Variants in NHSL1 observed in about 807,000 individuals in gnomAD.
The protein encoded by NHSL1 is NHS like 1, also known as NHS-like protein 1.
NHSL1 carries 48 observed loss-of-function variants against 95.0 expected under a neutral mutation model. That is an observed-to-expected ratio of 0.51 (90% CI 0.40 to 0.64). The LOEUF (loss-of-function observed/expected upper bound fraction) is 0.64. NHSL1 is among the 30% of genes least tolerant of loss of function. The pLI, the probability that NHSL1 is intolerant of heterozygous loss-of-function variation, is 0.00. For missense variants in NHSL1, 1,971 were observed against 2,077.7 expected (o/e 0.95, Z 1.00); for synonymous variants, 783 against 833.9 (o/e 0.94, Z 1.05).
At chr6:138,607,355 A>G (rs149040082) in intron 1 of NHSL1, among the ~76,000 whole-genome samples, 20 of 152,198 alleles carry the variant, frequency 1.3e-4, no homozygotes, top group African/African-American at 4.8e-4. Flanking sequence ...AAAACCAACC[A>G]AAAAAACAAA....
chr6:138,540,828 A>G (rs950816522), intron 1 of NHSL1, among the ~76,000 whole-genome samples: 1 of 152,192 alleles, frequency 6.6e-6, no homozygotes, highest in African/African-American at 2.4e-5. Context: ...GACACACCCA[A>G]TTCCACAGAA....
At chr6:138,559,692 T>C (rs1783340487) in intron 1 of NHSL1, among the ~76,000 whole-genome samples, 1 of 152,186 alleles carries the variant, frequency 6.6e-6, no homozygotes, top group Non-Finnish European at 1.5e-5. Context: ...ACATGCATAA[T>C]AACACCCTAC....
At chr6:138,582,716 T>C (rs1311824555) in intron 1 of NHSL1, among the ~76,000 whole-genome samples, 1 of 152,146 alleles carries the variant, frequency 6.6e-6, no homozygotes, top group Non-Finnish European at 1.5e-5. Context: ...GCTGTGCACC[T>C]TCAATCTGTC....
intron 1 of NHSL1, among the ~76,000 whole-genome samples, chr6:138,569,732 C>T (rs1783753022): frequency 1.3e-5 from 2 of 152,176 alleles, no homozygotes; most frequent in Admixed American, 6.5e-5. Flanking sequence ...TCCCCTGAGA[C>T]AAGATGTCAA....
chr6:138,645,110 T>G (rs973729910), intron 1 of NHSL1, among the ~76,000 whole-genome samples: 6 of 152,346 alleles, frequency 3.9e-5, no homozygotes, highest in Admixed American at 3.3e-4. Flanking sequence ...CATCTTACTA[T>G]GTGGTTCTGT....
intron 1 of NHSL1, among the ~76,000 whole-genome samples, chr6:138,554,166 T>C (rs1175312967): frequency 2.0e-5 from 3 of 152,222 alleles, no homozygotes; most frequent in African/African-American, 7.2e-5. Context: ...CTAACATATG[T>C]GTATTATATT....
intron 1 of NHSL1, among the ~76,000 whole-genome samples, chr6:138,528,524 CAT>C (rs1000443902): frequency 5.3e-5 from 8 of 152,158 alleles, no homozygotes; most frequent in African/African-American, 1.2e-4. Flanking sequence ...GAGGGAAAAA[CAT>C]ATAATTCATG....
At chr6:138,639,446 G>A (rs1272402677) in intron 1 of NHSL1, among the ~76,000 whole-genome samples, 1 of 151,814 alleles carries the variant, frequency 6.6e-6, no homozygotes, top group Non-Finnish European at 1.5e-5. Flanking sequence ...AGACCATCCT[G>A]GCTAGCACGG....
intron 1 of NHSL1, among the ~76,000 whole-genome samples, chr6:138,689,449 C>G (rs1241725229): frequency 1.3e-5 from 2 of 152,214 alleles, no homozygotes; most frequent in Non-Finnish European, 2.9e-5. Context: ...TGAGGAATGG[C>G]AAACTTGATG....
At chr6:138,446,794 G>A (rs182250240) in intron 4 of NHSL1, 6 of 556,454 alleles carry the variant, frequency 1.1e-5, no homozygotes, top group African/African-American at 3.8e-5. Context: ...AGTGTTTGGC[G>A]ACATAGTCTT....
At chr6:138,642,251 C>G (rs1447506351) in intron 1 of NHSL1, among the ~76,000 whole-genome samples, 1 of 152,146 alleles carries the variant, frequency 6.6e-6, no homozygotes, top group African/African-American at 2.4e-5. Flanking sequence ...TATTTCTCCT[C>G]AAGTGTTAGA....
chr6:138,430,822 G>C lies in NHSL1; in HGVS notation c.3523C>G (p.Arg1175Gly). The change falls in exon 6 of 8, where the codon CGG (arginine) becomes GGG (glycine). Residue 1175 changes from arginine (R) to glycine (G), a missense_variant. Arg to Gly is a moderately radical substitution (Grantham distance 125). This residue lies in a region of NHSL1 where 1,602 missense variants were observed against 1,654.5 expected (regional missense o/e 0.97). Transcript: ENST00000343505. This position sits in a 1 kb window ranked among gnomAD's most constrained non-coding sequence, Gnocchi z 4.7. ...AGTGGGGTGGTGCTGGGGCTGGGCC[G>C]AGCCTCTGCCTCCCCAGCGCTTGGA... is the stretch of plus-strand genomic sequence containing the variant. ...GAPSAGEAEA[R>G]PSPSTTPLPD... 2 of 1,550,840 alleles carry C rather than the reference G, an allele frequency of 1.3e-6. No individual in the cohort carries two copies. The highest frequency in any genetic ancestry group is 1.7e-6 in the Non-Finnish European group (2 of 1,146,816).
intron 1 of NHSL1, among the ~76,000 whole-genome samples, chr6:138,667,897 C>T (rs1045556108): frequency 2.6e-5 from 4 of 152,146 alleles, no homozygotes; most frequent in Non-Finnish European, 4.4e-5. Context: ...AGGGTTAGGA[C>T]TACGAAAAAA....
rs760520743 is a variant in NHSL1 at position 138,571,834 on chromosome 6, T to C, written c.78A>G (p.Ile26Met). 49 of 1,551,960 alleles carry C rather than the reference T, an allele frequency of 3.2e-5. No homozygotes were observed. In the South Asian group the frequency reaches 5.8e-4, roughly 18 times the overall value. The change falls in exon 1 of 7, where the codon ATA (isoleucine) becomes ATG (methionine). Residue 26 changes from isoleucine (I) to methionine (M), a missense_variant. Transcript: ENST00000427025. Reference sequence around the variant, plus strand: ...TCTGCCTGGACAAGGAGGAGAAATTTATCCAACTTACAGCACGTGAGAGAG... The same window carrying C: ...TCTGCCTGGACAAGGAGGAGAAATTCATCCAACTTACAGCACGTGAGAGAG...
At chr6:138,670,353 G>A (rs1785347915) in intron 1 of NHSL1, among the ~76,000 whole-genome samples, 1 of 149,038 alleles carries the variant, frequency 6.7e-6, no homozygotes, top group African/African-American at 2.5e-5. Context: ...ACAACTTGCA[G>A]CAAACACCGT....
chr6:138,515,096 T>C (rs1318209755), intron 1 of NHSL1, among the ~76,000 whole-genome samples: 5 of 151,858 alleles, frequency 3.3e-5, no homozygotes, highest in Admixed American at 1.3e-4. Flanking sequence ...CTGGGCAGGA[T>C]GGGGCAGGAG....
intron 1 of NHSL1, among the ~76,000 whole-genome samples, chr6:138,597,410 A>G (rs955422580): frequency 2.6e-5 from 4 of 152,324 alleles, no homozygotes; most frequent in Admixed American, 6.5e-5. Flanking sequence ...TGATTTGACA[A>G]GTTTTTCATT....
chr6:138,611,409 C>T (rs184870439), intron 1 of NHSL1, among the ~76,000 whole-genome samples: 15 of 152,286 alleles, frequency 9.8e-5, no homozygotes, highest in African/African-American at 3.6e-4. Context: ...TAACTGTAGT[C>T]CTAGAACACA....
chr6:138,458,604 A>G (rs1777780318), intron 3 of NHSL1, among the ~76,000 whole-genome samples: 2 of 152,144 alleles, frequency 1.3e-5, no homozygotes, highest in Non-Finnish European at 2.9e-5. Flanking sequence ...CAAGGAGGGC[A>G]GATCACAAGG....
Sources: allele counts gnomAD v4.1 joint callset (sites outside exome capture counted in the v4.1 genomes callset), GRCh38; gene constraint gnomAD v4.1.1; regional missense constraint gnomAD v4.1.1; non-coding constraint Gnocchi (gnomAD v3.1); transcripts MANE v1.5; gene names NCBI Gene and HGNC (gene_info 2026-07-23, HGNC 2026-07-21).